The following UMAD1 variants were observed in gnomAD, a reference collection of about 807,000 sequenced individuals.
UMAD1 encodes the protein UBAP1-MVB12-associated (UMA)-domain containing protein 1.
A neutral mutation model predicts 6.1 loss-of-function variants in UMAD1; 8 were observed. The ratio of observed to expected loss-of-function variants is 1.30; its 90% CI spans 0.76 to 2.35. The LOEUF (loss-of-function observed/expected upper bound fraction) is 2.35, where lower values mean the gene tolerates loss of function less well. Among genes scored for constraint, UMAD1 ranks in the 30% most tolerant of loss-of-function variants. UMAD1 has a pLI of 0.00. For missense variants in UMAD1, 130 were observed against 78.4 expected (o/e 1.66, Z -2.49); for synonymous variants, 56 against 31.4 (o/e 1.78, Z -2.61).
intron 2 of UMAD1, among the ~76,000 whole-genome samples, chr7:7,683,379 G>A (rs1779959817): frequency 1.3e-5 from 2 of 152,076 alleles, no homozygotes; most frequent in African/African-American, 4.8e-5. Flanking sequence ...TTCATGCAAG[G>A]CTGAGAAGCA....
chr7:7,767,568 G>T (rs1266638142), intron 2 of UMAD1, among the ~76,000 whole-genome samples: 1 of 152,128 alleles, frequency 6.6e-6, no homozygotes, highest in African/African-American at 2.4e-5. Context: ...TTTTTCACGA[G>T]ATCATCAGTA....
chr7:7,650,552 GAC>G (rs1383266312), intron 1 of UMAD1, among the ~76,000 whole-genome samples: 3 of 152,172 alleles, frequency 2.0e-5, no homozygotes, highest in African/African-American at 7.2e-5. Context: ...ATGGCTGCAG[GAC>G]AGTGTGAATG....
chr7:7,779,339 C>T (rs1396547969), intron 2 of UMAD1, among the ~76,000 whole-genome samples: 3 of 152,090 alleles, frequency 2.0e-5, no homozygotes, highest in Non-Finnish European at 4.4e-5. Flanking sequence ...TGCAGTACTA[C>T]AATCATAGCT....
rs149528474 is a variant in UMAD1, at chr7:7,756,093, G to T, written c.83-45577G>T. On this transcript the variant is annotated intron_variant, in intron 2 of 3. Coordinates refer to ENST00000682710, the MANE Select transcript of UMAD1 (RefSeq NM_001302348.2). The stretch of plus-strand genomic sequence containing the variant: ...GACTTAATCAGAAAGAAAGGACTAT[G>T]AAGTGATATCAGAGTAAATGCTAAA... 1.1e-3 allele frequency among the ~76,000 whole-genome samples: 163 copies of T among 152,326 alleles called. 1 individual carries two copies. The highest frequency in any genetic ancestry group is 3.9e-3 in the African/African-American group (162 of 41,576).
At chr7:7,642,271 A>C (rs1189141029) in intron 1 of UMAD1, among the ~76,000 whole-genome samples, 1 of 68,992 alleles carries the variant, frequency 1.4e-5, no homozygotes, top group Non-Finnish European at 2.6e-5. Context: ...AGTAGCTGGG[A>C]CTATAAGCAC....
intron 2 of UMAD1, among the ~76,000 whole-genome samples, chr7:7,704,504 C>G (rs1780544804): frequency 1.3e-5 from 2 of 150,806 alleles, no homozygotes; most frequent in African/African-American, 4.9e-5. Context: ...GCCTGTAATC[C>G]CAGCACTTTG....
intron 2 of UMAD1, among the ~76,000 whole-genome samples, chr7:7,766,895 C>G (rs1176155248): frequency 6.6e-6 from 1 of 152,068 alleles, no homozygotes; most frequent in Non-Finnish European, 1.5e-5. Context: ...CAGCAAAAAT[C>G]CTTGCCTTTA....
At chr7:7,863,562 TTGTTTTG>T (rs1784156584) in intron 3 of UMAD1, among the ~76,000 whole-genome samples, 2 of 152,242 alleles carry the variant, frequency 1.3e-5, no homozygotes, top group South Asian at 4.1e-4. Flanking sequence ...ACTTCGGTTT[TTGTTTTG>T]TGTTTTGTTT....
At chr7:7,650,325 TG>T (rs1392569583) in intron 1 of UMAD1, among the ~76,000 whole-genome samples, 18 of 152,372 alleles carry the variant, frequency 1.2e-4, no homozygotes, top group Admixed American at 2.6e-4. Context: ...AGTTCATGTT[TG>T]TTTTTCTGAG....
At chr7:7,784,549 G>A (rs1382872166) in intron 2 of UMAD1, among the ~76,000 whole-genome samples, 1 of 149,590 alleles carries the variant, frequency 6.7e-6, no homozygotes, top group Non-Finnish European at 1.5e-5. Context: ...GTTTCACTGT[G>A]TTAGCCAGGA....
rs77598464 is a variant in UMAD1 at position 7,745,953 on chromosome 7, C to T, written c.83-55717C>T. ...TTACCTTCTCATGGCTCACTGCACCCTCAAACTTCTGGGCTCAAGAGATCC... is the reference window on the plus strand; with the variant it reads ...TTACCTTCTCATGGCTCACTGCACCTTCAAACTTCTGGGCTCAAGAGATCC... On this transcript the variant is annotated intron_variant, in intron 2 of 3. Transcript: ENST00000682710. 2.0e-5 allele frequency among the ~76,000 whole-genome samples: 3 copies of T among 152,258 alleles called. No homozygotes were observed. In the East Asian group the frequency reaches 5.8e-4, roughly 29 times the overall value.
chr7:7,778,257 TGTGTGTGTGTGTGTGTGTGAGA>T (rs1563198330), intron 2 of UMAD1, among the ~76,000 whole-genome samples: 1 of 139,742 alleles, frequency 7.2e-6, no homozygotes, highest in Non-Finnish European at 1.6e-5. Flanking sequence ...TGTGTGTGTG[TGTGTGTGTGTGTGTGTGTGAGA>T]GAGAGAGAGA....
intron 3 of UMAD1, among the ~76,000 whole-genome samples, chr7:7,821,796 A>G (rs1299556657): frequency 6.6e-6 from 1 of 152,142 alleles, no homozygotes; most frequent in East Asian, 1.9e-4. Context: ...TCTTCCCCTG[A>G]TGGCTTTTAT....
intron 2 of UMAD1, among the ~76,000 whole-genome samples, chr7:7,701,436 T>C (rs1317844051): frequency 6.6e-6 from 1 of 152,188 alleles, no homozygotes; most frequent in Non-Finnish European, 1.5e-5. Flanking sequence ...ACTGGAACTG[T>C]CCTGCTCAAC....
At chr7:7,695,506 T>C (rs1309446470) in intron 2 of UMAD1, among the ~76,000 whole-genome samples, 3 of 152,232 alleles carry the variant, frequency 2.0e-5, no homozygotes. Flanking sequence ...TCTTTCCTTG[T>C]TACTTTCAGG....
At chr7:7,777,680 A>G (rs969858542) in intron 2 of UMAD1, among the ~76,000 whole-genome samples, 3 of 150,878 alleles carry the variant, frequency 2.0e-5, no homozygotes, top group Non-Finnish European at 4.4e-5. Context: ...GTAAATGTTC[A>G]CATATGTAAT....
intron 3 of UMAD1, among the ~76,000 whole-genome samples, chr7:7,864,073 A>G (rs977509952): frequency 1.3e-5 from 2 of 152,214 alleles, no homozygotes; most frequent in Admixed American, 1.3e-4. Context: ...ATCTTTTGTT[A>G]TCCATAACAA....
At chr7:7,725,313 G>A (rs895291652) in intron 2 of UMAD1, among the ~76,000 whole-genome samples, 1 of 152,154 alleles carries the variant, frequency 6.6e-6, no homozygotes, top group African/African-American at 2.4e-5. Context: ...ACAGGAGAAG[G>A]CTCTGCAACA....
At chr7:7,772,889 A>G (rs1274382651) in intron 2 of UMAD1, among the ~76,000 whole-genome samples, 1 of 152,296 alleles carries the variant, frequency 6.6e-6, no homozygotes, top group South Asian at 2.1e-4. Context: ...ATATAACACA[A>G]GAAGCCTTTT....
Sources: allele counts gnomAD v4.1 joint callset (sites outside exome capture counted in the v4.1 genomes callset), GRCh38; gene constraint gnomAD v4.1.1; transcripts MANE v1.5; gene names NCBI Gene and HGNC (gene_info 2026-07-23, HGNC 2026-07-21).